Variants in RGS12 observed in about 807,000 individuals in gnomAD.
RGS12 encodes regulator of G-protein signaling 12.
RGS12 carries 66 observed loss-of-function variants against 120.1 expected under a neutral mutation model. The observed-to-expected ratio is 0.55, with a 90% CI of 0.45 to 0.67. The LOEUF is 0.67. Among genes scored for constraint, RGS12 ranks in the 30% least tolerant of loss-of-function variants. The pLI is 0.00. For synonymous variants in RGS12, 827 were observed against 804.7 expected (o/e 1.03, Z -0.47); for missense variants, 1,859 against 1,957.7 (o/e 0.95, Z 0.95).
Position 3,374,892 on chromosome 4 carries a change from C to T in RGS12, c.1999-11524C>T, listed in dbSNP as rs1717469913. 6.6e-6 allele frequency among the ~76,000 whole-genome samples: 1 copy of T among 152,150 alleles called. No individual in the cohort carries two copies. The highest frequency in any genetic ancestry group is 2.4e-5 in the African/African-American group (1 of 41,430). Reference sequence around the variant, plus strand: ...ACTGGGCTCTGCGGGGCAGGGCTGCCAGTTTGGGGTTTGCATGTTGATTTT... The same window carrying T: ...ACTGGGCTCTGCGGGGCAGGGCTGCTAGTTTGGGGTTTGCATGTTGATTTT... On this transcript the variant is annotated intron_variant, in intron 3 of 17. Coordinates refer to ENST00000336727, the MANE Select transcript of RGS12 (RefSeq NM_001394154.1). This position sits in a 1 kb window ranked among gnomAD's most constrained non-coding sequence, Gnocchi z 6.3.
intron 6 of RGS12, among the ~76,000 whole-genome samples, chr4:3,415,152 CGCGTGTGTGTGAGGG>C (rs1179170257): frequency 9.2e-6 from 1 of 108,404 alleles, no homozygotes; most frequent in African/African-American, 3.7e-5. Context: ...GTGAGAGGGC[CGCGTGTGTGTGAGGG>C]GCGTGTGTGA....
chr4:3,351,065 G>A (rs766304293), intron 3 of RGS12, among the ~76,000 whole-genome samples: 10 of 152,280 alleles, frequency 6.6e-5, no homozygotes, highest in Non-Finnish European at 1.5e-4. Flanking sequence ...ATTAATGAAG[G>A]CTGTGGACCA....
chr4:3,412,439 C>G (rs562952752), intron 4 of RGS12, among the ~76,000 whole-genome samples: 98 of 152,242 alleles, frequency 6.4e-4, no homozygotes, highest in Non-Finnish European at 1.2e-3. Flanking sequence ...CACTGACCCC[C>G]TCCTGGTCTC....
chr4:3,291,939 A>T (rs896070748), upstream of RGS12, among the ~76,000 whole-genome samples: 11 of 152,324 alleles, frequency 7.2e-5, no homozygotes, highest in African/African-American at 2.6e-4. Context: ...TGGGATCCAA[A>T]CTAATCACAC....
intron 4 of RGS12, among the ~76,000 whole-genome samples, chr4:3,388,039 C>T (rs890986410): frequency 6.6e-6 from 1 of 151,890 alleles, no homozygotes; most frequent in Non-Finnish European, 1.5e-5. Context: ...CTCCTCGCCA[C>T]GCTGGCTCTG....
At chr4:3,289,458 C>T (rs1225742675), upstream of RGS12, among the ~76,000 whole-genome samples, 2 of 152,178 alleles carry the variant, frequency 1.3e-5, no homozygotes, top group Admixed American at 6.5e-5. Context: ...CCTACCTCAG[C>T]CTTCCAAAGA....
intron 4 of RGS12, among the ~76,000 whole-genome samples, chr4:3,396,020 G>T (rs1720015262): frequency 6.6e-6 from 1 of 152,064 alleles, no homozygotes; most frequent in African/African-American, 2.4e-5. Context: ...AATGTAAATG[G>T]TATGTAAACA....
In RGS12 at chr4:3,374,913, A is replaced by G. The variant is rs16844219; in HGVS notation, c.1999-11503A>G. Among the ~76,000 whole-genome samples the G allele has an allele frequency of 0.02, 3,016 of 152,012 alleles. 80 individuals carry two copies. Among genetic ancestry groups the G allele is most frequent in the African/African-American group, 0.065 (2,708 of 41,454 alleles). On this transcript the variant is annotated intron_variant, in intron 3 of 17. Transcript: ENST00000336727. The surrounding 1 kb of genome is among the most constrained non-coding windows in gnomAD (Gnocchi z 6.3). ...CTGCCAGTTTGGGGTTTGCATGTTG[A>G]TTTTGTACATCCAGCATCTCAGGAT...
intron 9 of RGS12, chr4:3,419,116 A>C (rs1484650468): frequency 2.6e-5 from 4 of 151,596 alleles, no homozygotes; most frequent in African/African-American, 7.3e-5. Context: ...AGATCAACTG[A>C]GGTCAGAAGT....
At chr4:3,290,060 G>T (rs1722976383), upstream of RGS12, among the ~76,000 whole-genome samples, 1 of 152,170 alleles carries the variant, frequency 6.6e-6, no homozygotes, top group Non-Finnish European at 1.5e-5. Context: ...CCATCGACGA[G>T]CGCTTAGGTG....
At chr4:3,376,847 G>A (rs1188825448) in intron 3 of RGS12, among the ~76,000 whole-genome samples, 9 of 152,222 alleles carry the variant, frequency 5.9e-5, no homozygotes, top group South Asian at 2.1e-4. Context: ...AGCCTTGCCC[G>A]CCTCAGAGAC....
In RGS12 at chr4:3,433,707, C is replaced by T. The variant is rs750482415; in HGVS notation, c.4114+2752C>T. Among the ~76,000 whole-genome samples, 6 of 152,258 alleles carry T rather than the reference C, an allele frequency of 3.9e-5. No individual in the cohort carries two copies. Among genetic ancestry groups the T allele is most frequent in the Middle Eastern group, 3.4e-3 (1 of 294 alleles). The stretch of plus-strand genomic sequence containing the variant: ...CTCCACCACGCCCTTCTAGCCTCAG[C>T]GTCATGCACCGCACCGCCCCATGCT... On this transcript the variant is annotated intron_variant, in intron 17 of 17. Coordinates refer to ENST00000336727, the MANE Select transcript of RGS12 (RefSeq NM_001394154.1). This position sits in a 1 kb window ranked among gnomAD's most constrained non-coding sequence, Gnocchi z 4.4.
intron 3 of RGS12, among the ~76,000 whole-genome samples, chr4:3,344,338 A>C (rs1165260624): frequency 6.6e-6 from 1 of 152,154 alleles, no homozygotes; most frequent in African/African-American, 2.4e-5. Flanking sequence ...TGGGGTGCTC[A>C]TGCTGCTGAT....
At chr4:3,292,559 C>A (rs1453809441), upstream of RGS12, among the ~76,000 whole-genome samples, 1 of 152,252 alleles carries the variant, frequency 6.6e-6, no homozygotes, top group Non-Finnish European at 1.5e-5. Flanking sequence ...GGCACAGAGA[C>A]CCAACGGGAG....
chr4:3,417,581 G>A, intron 9 of RGS12, 40 bp downstream of exon 9: 1 of 1,600,270 alleles, frequency 6.2e-7, no homozygotes, highest in Non-Finnish European at 8.5e-7. Flanking sequence ...TCCAGGCCAG[G>A]CAGCCGCGTC....
At chr4:3,388,771 T>A (rs1032509265) in intron 4 of RGS12, among the ~76,000 whole-genome samples, 2 of 151,762 alleles carry the variant, frequency 1.3e-5, no homozygotes, top group East Asian at 1.9e-4. Flanking sequence ...GGTGGGGGGG[T>A]GGTCCCAGGG....
the RGS12 span, among the ~76,000 whole-genome samples, chr4:3,287,354 G>GAA: frequency 6.8e-6 from 1 of 147,204 alleles, no homozygotes; most frequent in African/African-American, 2.5e-5. Flanking sequence ...CACATGGTCT[G>GAA]AAAAAAAAAA....
chr4:3,306,452 G>A (rs568103719), intron 1 of RGS12, among the ~76,000 whole-genome samples: 3 of 152,238 alleles, frequency 2.0e-5, no homozygotes, highest in African/African-American at 4.8e-5. Context: ...AGTCCCGCTC[G>A]ATAAGCGGCA....
At chr4:3,323,390 T>C (rs1245810763) in intron 2 of RGS12, among the ~76,000 whole-genome samples, 2 of 152,242 alleles carry the variant, frequency 1.3e-5, no homozygotes, top group Non-Finnish European at 2.9e-5. Context: ...TCTGCCCCGC[T>C]CCGCGCGGGG....
Sources: gnomAD v4.1 joint callset for allele counts (sites outside exome capture counted in the v4.1 genomes callset) on GRCh38, gnomAD v4.1.1 for gene constraint, Gnocchi (gnomAD v3.1) non-coding constraint, MANE v1.5 for transcripts, NCBI Gene and HGNC (gene_info 2026-07-23, HGNC 2026-07-21) for gene names.